Variants in DLG2 observed in about 807,000 individuals in gnomAD.
DLG2 encodes disks large homolog 2.
A neutral mutation model predicts 132.5 loss-of-function variants in DLG2; 45 were observed. The ratio of observed to expected loss-of-function variants is 0.34; its 90% CI spans 0.27 to 0.44. The LOEUF (loss-of-function observed/expected upper bound fraction) is 0.44. Ranked by LOEUF, DLG2 falls within the 20% of genes least tolerant of loss-of-function variation. The probability of loss-of-function intolerance (pLI) is 1.00; values close to 1 mark genes in which losing one functional copy is unlikely to be tolerated. For synonymous variants in DLG2, 424 were observed against 419.6 expected (o/e 1.01, Z -0.13); for missense variants, 1,045 against 1,196.9 (o/e 0.87, Z 1.87).
intron 9 of DLG2, among the ~76,000 whole-genome samples, chr11:84,159,451 G>A (rs943941644): frequency 1.9e-4 from 29 of 152,182 alleles, no homozygotes; most frequent in Admixed American, 3.9e-4. Flanking sequence ...AAGATATAAC[G>A]GACAATTTTT....
chr11:85,549,000 TTCTG>T (rs1312047176), intron 3 of DLG2, among the ~76,000 whole-genome samples: 1 of 151,856 alleles, frequency 6.6e-6, no homozygotes, highest in Non-Finnish European at 1.5e-5. Flanking sequence ...GAGTGAACTG[TTCTG>T]TCTCAGTGGC....
At chr11:84,191,749 C>T (rs1255530922) in intron 8 of DLG2, among the ~76,000 whole-genome samples, 4 of 152,126 alleles carry the variant, frequency 2.6e-5, no homozygotes, top group Admixed American at 1.3e-4. Flanking sequence ...TAATCATTGA[C>T]AACTGCATAC....
intron 7 of DLG2, among the ~76,000 whole-genome samples, chr11:84,495,912 G>T (rs551393258): frequency 2.0e-5 from 3 of 152,264 alleles, no homozygotes; most frequent in African/African-American, 7.2e-5. Flanking sequence ...CTGAACCACA[G>T]AATGAATGCT....
chr11:85,194,695 G>C (rs978628258), intron 4 of DLG2, among the ~76,000 whole-genome samples: 6 of 151,968 alleles, frequency 3.9e-5, no homozygotes, highest in African/African-American at 1.5e-4. Flanking sequence ...CCTCATAGGG[G>C]CTTATAATCC....
chr11:84,324,738 TTC>T (rs1353641026), intron 7 of DLG2, among the ~76,000 whole-genome samples: 1 of 152,168 alleles, frequency 6.6e-6, no homozygotes, highest in Non-Finnish European at 1.5e-5. Context: ...CAAATCATTC[TTC>T]TGTTAAGTGT....
At chr11:83,649,539 A>G (rs928840050) in intron 18 of DLG2, among the ~76,000 whole-genome samples, 2 of 152,186 alleles carry the variant, frequency 1.3e-5, no homozygotes, top group African/African-American at 4.8e-5. Context: ...AACCAGGACA[A>G]ACTCAGTAAG....
chr11:85,132,997 G>GA (rs1170781063), intron 5 of DLG2: 1 of 343,686 alleles, frequency 2.9e-6, no homozygotes, highest in African/African-American at 2.1e-5. Context: ...CTAGGCACCA[G>GA]AAAATCCCCT....
At chr11:85,235,855 G>C (rs2075559437) in intron 4 of DLG2, among the ~76,000 whole-genome samples, 2 of 151,874 alleles carry the variant, frequency 1.3e-5, no homozygotes, top group Non-Finnish European at 2.9e-5. Flanking sequence ...TGAGAAGCCA[G>C]TAAAAGTTGT....
chr11:84,373,919 G>A (rs2154430693), intron 7 of DLG2, among the ~76,000 whole-genome samples: 1 of 152,238 alleles, frequency 6.6e-6, no homozygotes, highest in Admixed American at 6.5e-5. Context: ...ACATAAGGAT[G>A]ATAATTTTCT....
At chr11:83,790,750 G>C in intron 17 of DLG2, 1 of 764,160 alleles carries the variant, frequency 1.3e-6, no homozygotes, top group Non-Finnish European at 2.4e-6. Context: ...AAGATCTCTG[G>C]GGCAACAACT....
intron 17 of DLG2, among the ~76,000 whole-genome samples, chr11:83,818,091 T>C (rs2049605263): frequency 6.6e-6 from 1 of 152,160 alleles, no homozygotes; most frequent in Non-Finnish European, 1.5e-5. Context: ...AGTGAGAAGA[T>C]CAGGAGTTTG....
At chr11:83,770,265 G>GTTTTTTTTTTTTTTTTTGCT (rs71066064) in intron 18 of DLG2, among the ~76,000 whole-genome samples, 1 of 128,772 alleles carries the variant, frequency 7.8e-6, no homozygotes, top group African/African-American at 3.3e-5. Context: ...GTTTTTTTTT[G>GTTTTTTTTTTTTTTTTTGCT]TTTTTTTGCT....
intron 6 of DLG2, among the ~76,000 whole-genome samples, chr11:84,668,320 T>C (rs1211030952): frequency 6.6e-6 from 1 of 152,188 alleles, no homozygotes; most frequent in East Asian, 1.9e-4. Context: ...TATCCCATAG[T>C]GTGTTTGTAG....
chr11:83,887,344 T>C (rs2068218969), intron 15 of DLG2, among the ~76,000 whole-genome samples: 1 of 151,362 alleles, frequency 6.6e-6, no homozygotes, highest in African/African-American at 2.4e-5. Flanking sequence ...AACTAGAAAA[T>C]CTAGAAGAAA....
chr11:84,003,272 C>T (rs550737774), intron 11 of DLG2, among the ~76,000 whole-genome samples: 3 of 152,290 alleles, frequency 2.0e-5, no homozygotes, highest in South Asian at 4.1e-4. Context: ...TTTCTCACAT[C>T]TTCCTGTCTT....
chr11:84,876,196 G>C (rs1383994655), intron 6 of DLG2, among the ~76,000 whole-genome samples: 1 of 152,188 alleles, frequency 6.6e-6, no homozygotes, highest in Non-Finnish European at 1.5e-5. Context: ...GATATAGCAA[G>C]CTGTGAGCTC....
intron 3 of DLG2, among the ~76,000 whole-genome samples, chr11:85,487,601 G>T (rs2093459037): frequency 6.6e-6 from 1 of 151,512 alleles, no homozygotes; most frequent in South Asian, 2.1e-4. Flanking sequence ...CTTGAAGACA[G>T]GTATTTTGAA....
At chr11:83,486,270 A>AAATC (rs757349521) in intron 21 of DLG2, 17 of 690,768 alleles carry the variant, frequency 2.5e-5, no homozygotes, top group South Asian at 2.0e-4. Context: ...AAAAGAAAAA[A>AAATC]AATCATGTAA....
At chr11:84,940,728 C>T (rs2049308448) in intron 6 of DLG2, among the ~76,000 whole-genome samples, 1 of 152,134 alleles carries the variant, frequency 6.6e-6, no homozygotes, top group Non-Finnish European at 1.5e-5. Context: ...AGCTTTGTAA[C>T]TTGATGTGAT....
Sources: allele counts gnomAD v4.1 joint callset (sites outside exome capture counted in the v4.1 genomes callset), GRCh38; gene constraint gnomAD v4.1.1; transcripts MANE v1.5; gene names NCBI Gene and HGNC (gene_info 2026-07-23, HGNC 2026-07-21).